SMUG1: variants seen among roughly 807,000 people sequenced by gnomAD.
SMUG1 encodes single-strand-selective monofunctional uracil-DNA glycosylase 1, also known as single-strand selective monofunctional uracil DNA glycosylase.
SMUG1 carries 13 observed loss-of-function variants against 23.9 expected under a neutral mutation model. The ratio of observed to expected loss-of-function variants is 0.54; its 90% confidence interval spans 0.35 to 0.86. The LOEUF is 0.86. SMUG1 is among the 40% of genes least tolerant of loss of function. SMUG1 has a pLI of 0.01. For missense variants in SMUG1, 313 were observed against 339.5 expected (o/e 0.92, Z 0.61); for synonymous variants, 133 against 139.8 (o/e 0.95, Z 0.34).
chr12:54,163,524 G>C (rs1439056596), downstream of SMUG1, among the ~76,000 whole-genome samples: 8 of 152,186 alleles, frequency 5.3e-5, no homozygotes, highest in Non-Finnish European at 1.2e-4. Flanking sequence ...GTTGAATCTG[G>C]ACTTGTGCAG....
downstream of SMUG1, among the ~76,000 whole-genome samples, chr12:54,179,543 GAAGGA>G (rs1226935442): frequency 6.6e-6 from 1 of 152,164 alleles, no homozygotes; most frequent in Non-Finnish European, 1.5e-5. Context: ...AGCAAAAAGA[GAAGGA>G]AAGGAGTCTA....
chr12:54,165,671 G>A (rs1940431871), intron 3 of SMUG1, among the ~76,000 whole-genome samples: 2 of 152,050 alleles, frequency 1.3e-5, no homozygotes, highest in Admixed American at 1.3e-4. Flanking sequence ...GACACTGTTT[G>A]TAAATAAATA....
intron 4 of SMUG1, among the ~76,000 whole-genome samples, chr12:54,159,059 C>T (rs1364941922): frequency 6.6e-6 from 1 of 152,164 alleles, no homozygotes. Flanking sequence ...TCGCACTCCA[C>T]ACCCCAGGTT....
chr12:54,162,531 C>A (rs1284244734), downstream of SMUG1: 5 of 152,162 alleles, frequency 3.3e-5, no homozygotes, highest in East Asian at 9.6e-4. Context: ...CAGAAAACCA[C>A]CCAAAGCTCG....
Position 54,183,689 on chromosome 12 carries a change from C to A in SMUG1, c.252G>T (p.Met84Ile). 1 of 1,613,988 alleles carries A rather than the reference C, an allele frequency of 6.2e-7. No individual in the cohort carries two copies. Among genetic ancestry groups the A allele is most frequent in the Non-Finnish European group, 8.5e-7 (1 of 1,179,962 alleles). Residue 84 changes from methionine (M) to isoleucine (I), a missense_variant, in exon 3 of 4, where the codon ATG (methionine) becomes ATT (isoleucine). Coordinates refer to ENST00000682136, the MANE Select transcript of SMUG1 (RefSeq NM_001243787.2). ...GGGCCATGCCAAAAGGTCCAGGGTT[C>A]ATGCCCAGGAAGAGTACTTCCTTGG... is the stretch of plus-strand genomic sequence containing the variant. The part of the protein sequence containing the change: ...QGPKEVLFLG[M>I]NPGPFGMAQT...
At chr12:54,182,888 A>G (rs985517998) in intron 3 of SMUG1, 18 of 518,014 alleles carry the variant, frequency 3.5e-5, no homozygotes, top group Middle Eastern at 1.0e-3. Context: ...CAGGGACTAC[A>G]TTGAGATATC....
downstream of SMUG1, among the ~76,000 whole-genome samples, chr12:54,179,410 T>A (rs1485257346): frequency 6.6e-6 from 1 of 152,160 alleles, no homozygotes; most frequent in Non-Finnish European, 1.5e-5. Flanking sequence ...TCCAGAGAGC[T>A]TTCCATTATA....
At chr12:54,166,932 T>G (rs978964715) in intron 3 of SMUG1, among the ~76,000 whole-genome samples, 3 of 152,104 alleles carry the variant, frequency 2.0e-5, no homozygotes, top group African/African-American at 7.2e-5. Context: ...GTGAAATGCA[T>G]AGGTATTAAA....
chr12:54,182,172 T>A lies in SMUG1; in HGVS notation c.737A>T (p.Gln246Leu), dbSNP rs760368612. 22 of 1,606,382 alleles carry A rather than the reference T, an allele frequency of 1.4e-5. No individual in the cohort carries two copies. The highest frequency in any genetic ancestry group is 1.7e-5 in the Non-Finnish European group (20 of 1,175,216). ...GLLHPSPRNP[Q>L]ANKGWEAVAK... ...CACTGCCTCCCAGCCCTTGTTGGCC[T>A]GTGGGTTACGGGGAGAGGGATGCAG... The change falls in exon 4 of 4, where the codon CAG becomes CTG. Residue 246 changes from glutamine to leucine, a missense_variant. Coordinates refer to ENST00000682136, the MANE Select transcript of SMUG1 (RefSeq NM_001243787.2).
downstream of SMUG1, among the ~76,000 whole-genome samples, chr12:54,159,890 G>C (rs1940188940): frequency 6.6e-6 from 1 of 152,264 alleles, no homozygotes; most frequent in South Asian, 2.1e-4. Context: ...GCACTGACCA[G>C]GGTACATTAC....
chr12:54,171,632 A>T (rs1476858053), intron 3 of SMUG1, among the ~76,000 whole-genome samples: 1 of 139,458 alleles, frequency 7.2e-6, no homozygotes, highest in Admixed American at 7.7e-5. Flanking sequence ...GGTTGCAGTG[A>T]GCTGAGATCA....
chr12:54,183,511 A>T (rs757836989), intron 3 of SMUG1, 145 bp downstream of exon 3: 1 of 772,900 alleles, frequency 1.3e-6, no homozygotes, highest in Non-Finnish European at 2.2e-6. Flanking sequence ...GGACCACAGG[A>T]GCCAGTATAT....
intron 2 of SMUG1, among the ~76,000 whole-genome samples, chr12:54,184,892 G>A (rs1941959677): frequency 6.6e-6 from 1 of 152,238 alleles, no homozygotes; most frequent in African/African-American, 2.4e-5. Context: ...GGCCAGGCAT[G>A]GTGGCTCATG....
At position 54,181,484 on chromosome 12, in the gene SMUG1, G is replaced by A; in HGVS notation, c.*612C>T. 2.2e-6 allele frequency: 3 copies of A among 1,381,196 alleles called. No homozygotes were observed. Among genetic ancestry groups the A allele is most frequent in the Non-Finnish European group, 3.0e-6 (3 of 1,006,316 alleles). The allele number at this position is 1,381,196 out of a possible 1,614,324, so 85.6% of individuals were successfully genotyped here. ...AGATGAGGAGCCTGAGGCATAGAGA[G>A]GTTTATTAATTTGTCAATCAAAAAG... is the stretch of plus-strand genomic sequence containing the variant. On this transcript the variant is annotated 3_prime_UTR_variant, in exon 4 of 4. Coordinates refer to ENST00000682136, the MANE Select transcript of SMUG1 (RefSeq NM_001243787.2).
At chr12:54,162,980 G>A (rs758211504), downstream of SMUG1, among the ~76,000 whole-genome samples, 2 of 152,160 alleles carry the variant, frequency 1.3e-5, no homozygotes, top group African/African-American at 2.4e-5. Context: ...GGGAGCTGTC[G>A]GGCTAGGAGG....
intron 4 of SMUG1, among the ~76,000 whole-genome samples, chr12:54,158,773 C>G (rs1940128548): frequency 6.6e-6 from 1 of 152,210 alleles, no homozygotes; most frequent in East Asian, 1.9e-4. Context: ...CTCCAGCCTA[C>G]TTCTGCAGCT....
intron 2 of SMUG1, among the ~76,000 whole-genome samples, chr12:54,185,106 C>T (rs1297294315): frequency 6.6e-6 from 1 of 151,988 alleles, no homozygotes; most frequent in Non-Finnish European, 1.5e-5. Flanking sequence ...GTCGGGAGTT[C>T]GAGACCAGCC....
chr12:54,177,027 A>G (rs1263717437), downstream of SMUG1, among the ~76,000 whole-genome samples: 2 of 152,094 alleles, frequency 1.3e-5, no homozygotes, highest in Non-Finnish European at 2.9e-5. Context: ...AACTCTAGAG[A>G]AACTAGTGTT....
downstream of SMUG1, among the ~76,000 whole-genome samples, chr12:54,180,099 T>G (rs1940862892): frequency 6.6e-6 from 1 of 152,344 alleles, no homozygotes; most frequent in South Asian, 2.1e-4. Context: ...CTCCCCTCCC[T>G]GGGGATCAAG....
Sources: allele counts gnomAD v4.1 joint callset (sites outside exome capture counted in the v4.1 genomes callset), GRCh38; gene constraint gnomAD v4.1.1; transcripts MANE v1.5; gene names NCBI Gene and HGNC (gene_info 2026-07-23, HGNC 2026-07-21).